BLTP2: variants seen among roughly 807,000 people sequenced by gnomAD.
BLTP2 encodes bridge-like lipid transfer protein family member 2, also known as U937-associated antigen.
the BLTP2 span, chr17:28,628,658 G>A: frequency 2.0e-6 from 2 of 992,920 alleles, no homozygotes; most frequent in Admixed American, 4.6e-5. Context: ...CTGTTGGCCA[G>A]ATGCCATGGC....
chr17:28,635,685 T>G, the BLTP2 span: 17 of 1,438,602 alleles, frequency 1.2e-5, no homozygotes, highest in Non-Finnish European at 1.6e-5. Context: ...TTATGACACA[T>G]GCACACCTGG....
At chr17:28,625,682 GGTCA>G in the BLTP2 span, among the ~76,000 whole-genome samples, 1 of 152,040 alleles carries the variant, frequency 6.6e-6, no homozygotes, top group African/African-American at 2.4e-5. Context: ...TCCAACCAGT[GGTCA>G]GTTCACCCAT....
chr17:28,640,716 C>T, the BLTP2 span: 1 of 1,608,692 alleles, frequency 6.2e-7, no homozygotes, highest in South Asian at 1.1e-5. Context: ...TAAGAACCAT[C>T]AATTCTTAAC....
chr17:28,635,343 C>A, the BLTP2 span: 2 of 1,614,220 alleles, frequency 1.2e-6, no homozygotes, highest in South Asian at 1.1e-5. Flanking sequence ...GGGTAATGAA[C>A]TTGTCCTCAG....
the BLTP2 span, chr17:28,634,171 AC>A: frequency 1.7e-6 from 2 of 1,157,292 alleles, no homozygotes; most frequent in Non-Finnish European, 2.5e-6. Context: ...CCACTATTTT[AC>A]CCATCTATAT....
At chr17:28,642,907 G>C in the BLTP2 span, 4 of 1,609,158 alleles carry the variant, frequency 2.5e-6, no homozygotes, top group South Asian at 1.1e-5. Context: ...TGCTTCTACT[G>C]ATCTGAATAT....
chr17:28,625,334 CA>C, the BLTP2 span, among the ~76,000 whole-genome samples: 286 of 29,046 alleles, frequency 9.8e-3, no homozygotes, highest in East Asian at 0.023. Flanking sequence ...GACTCCGTCT[CA>C]AAAAAAAAAA....
At chr17:28,639,762 G>C in the BLTP2 span, 12 of 1,407,424 alleles carry the variant, frequency 8.5e-6, no homozygotes, top group Non-Finnish European at 1.0e-5. Flanking sequence ...GTGAGCTGGG[G>C]CTATTTTCTC....
the BLTP2 span, among the ~76,000 whole-genome samples, chr17:28,618,406 G>C: frequency 6.6e-6 from 1 of 151,712 alleles, no homozygotes; most frequent in Non-Finnish European, 1.5e-5. Flanking sequence ...TATGCACCAC[G>C]ATGCCCAGCT....
chr17:28,622,590 T>C, the BLTP2 span, among the ~76,000 whole-genome samples: 1 of 152,220 alleles, frequency 6.6e-6, no homozygotes, highest in Non-Finnish European at 1.5e-5. Context: ...ACGCACAATA[T>C]TGCCTAGGCA....
chr17:28,636,885 A>G, the BLTP2 span: 8 of 264,720 alleles, frequency 3.0e-5, no homozygotes, highest in Admixed American at 1.7e-4. Context: ...AAAAGACAAG[A>G]AAAAAAAAAA....
At chr17:28,638,374 C>A in the BLTP2 span, 1 of 1,614,158 alleles carries the variant, frequency 6.2e-7, no homozygotes, top group Non-Finnish European at 8.5e-7. Context: ...ACAGTTAGGA[C>A]GCCCCGCTGA....
chr17:28,615,067 T>C, the BLTP2 span: 8 of 1,612,936 alleles, frequency 5.0e-6, no homozygotes, highest in African/African-American at 1.3e-5. Context: ...CGCCAAATCA[T>C]TTGCGCCTGC....
At chr17:28,617,476 G>A in the BLTP2 span, 3 of 575,580 alleles carry the variant, frequency 5.2e-6, no homozygotes, top group Non-Finnish European at 9.4e-6. Context: ...CTTTAATCCA[G>A]TGTGTCTCAT....
the BLTP2 span, chr17:28,645,137 G>A: frequency 7.4e-6 from 9 of 1,212,586 alleles, no homozygotes; most frequent in East Asian, 3.2e-5. Flanking sequence ...CACCGCCGCG[G>A]GCCGACCAGC....
At chr17:28,638,772 A>G in the BLTP2 span, 1 of 631,630 alleles carries the variant, frequency 1.6e-6, no homozygotes, top group Non-Finnish European at 2.8e-6. Flanking sequence ...GACGAGACAC[A>G]CCTAGAAGAT....
At chr17:28,640,989 T>C in the BLTP2 span, among the ~76,000 whole-genome samples, 1 of 152,258 alleles carries the variant, frequency 6.6e-6, no homozygotes, top group African/African-American at 2.4e-5. Context: ...TCAAGTTACC[T>C]AGCTAACCTT....
chr17:28,629,058 A>G, the BLTP2 span, among the ~76,000 whole-genome samples: 32 of 152,236 alleles, frequency 2.1e-4, no homozygotes, highest in East Asian at 6.0e-3. Context: ...TTCTTTATCA[A>G]AAAACGTTTT....
chr17:28,628,222 G>C, the BLTP2 span: 1 of 1,567,390 alleles, frequency 6.4e-7, no homozygotes, highest in Non-Finnish European at 8.8e-7. Flanking sequence ...CCATATCCAT[G>C]TTCTAAACCC....
Sources: allele counts gnomAD v4.1 joint callset (sites outside exome capture counted in the v4.1 genomes callset), GRCh38; gene constraint gnomAD v4.1.1; transcripts MANE v1.5; gene names NCBI Gene and HGNC (gene_info 2026-07-23, HGNC 2026-07-21).